The following BPIFB6 variants were observed in gnomAD, a reference collection of about 807,000 sequenced individuals.
BPIFB6 encodes BPI fold containing family B member 6.
A neutral mutation model predicts 54.7 loss-of-function variants in BPIFB6; 47 were observed. The observed-to-expected ratio is 0.86, with a 90% CI of 0.68 to 1.10. The LOEUF (loss-of-function observed/expected upper bound fraction) is 1.10, where lower values mean the gene tolerates loss of function less well. Ranked by LOEUF, BPIFB6 falls within the 50% of genes least tolerant of loss-of-function variation. The pLI is 0.00. For missense variants in BPIFB6, 603 were observed against 564.1 expected, an observed-to-expected ratio of 1.07 and a Z score of -0.70; for synonymous variants, 255 against 225.9, an observed-to-expected ratio of 1.13 and a Z score of -1.16.
In BPIFB6 at chr20:33,031,717, C is replaced by A; in HGVS notation, c.70C>A (p.Leu24Met). 1 of 1,614,080 alleles carries A rather than the reference C, an allele frequency of 6.2e-7. No homozygotes were observed. The highest frequency in any genetic ancestry group is 1.1e-5 in the South Asian group (1 of 91,080). ...TGTRADPGAL[L>M]RLGMDIMNQV... ...CACGCGAGCTGACCCTGGGGCACTG[C>A]TGCGGTTGGGCATGGACATCATGAA... Residue 24 changes from leucine to methionine, a missense_variant, in exon 1 of 15, where the codon CTG becomes ATG. Transcript: ENST00000349552.
chr20:33,034,142 T>C (rs1600523024), intron 2 of BPIFB6, 44 bp from the exon 3 acceptor site: 1 of 1,447,578 alleles, frequency 6.9e-7, no homozygotes. Flanking sequence ...TCCTGGGTCT[T>C]GCCTGCTCAG....
intron 1 of BPIFB6, among the ~76,000 whole-genome samples, chr20:33,032,319 T>C (rs1483725936): frequency 1.3e-5 from 2 of 152,196 alleles, no homozygotes; most frequent in Non-Finnish European, 2.9e-5. Flanking sequence ...TCAGTGTTTG[T>C]GCCCTCTCTG....
rs1979477022 is a variant in BPIFB6, at chr20:33,039,350, G to A, written c.904G>A (p.Ala302Thr). Residue 302 changes from alanine to threonine, a missense_variant, in exon 10 of 15, where the codon GCT becomes ACT. Transcript: ENST00000349552. ...KTLARFIPEV[A>T]VAYPKSKPLT... is the part of the protein sequence containing the mutation. ...TGAAGTGTTCTGGTTTCTGTAGGTG[G>A]CTGTAGCTTATCCCAAGTCAAAGCC... is the stretch of plus-strand genomic sequence containing the variant. 6.2e-7 allele frequency: 1 copy of A among 1,609,676 alleles called. No individual in the cohort carries two copies. The highest frequency in any genetic ancestry group is 8.5e-7 in the Non-Finnish European group (1 of 1,178,446).
intron 1 of BPIFB6, 64 bp from the exon 2 acceptor site, chr20:33,032,920 T>C: frequency 7.5e-7 from 1 of 1,325,128 alleles, no homozygotes; most frequent in South Asian, 1.2e-5. Context: ...TGACGGTGAG[T>C]GGCCTGGGAT....
intron 2 of BPIFB6, chr20:33,033,325 G>A: frequency 3.3e-6 from 2 of 607,762 alleles, no homozygotes; most frequent in Non-Finnish European, 6.3e-6. Context: ...TTTTGAGGAG[G>A]AAATGAGGTT....
At chr20:33,035,772 G>A in intron 6 of BPIFB6, 100 bp downstream of exon 6, 1 of 1,268,568 alleles carries the variant, frequency 7.9e-7, no homozygotes, top group Non-Finnish European at 1.2e-6. Context: ...TTCCAGCCCA[G>A]CCTTGGGACT....
At chr20:33,034,024 GT>G (rs112771934) in intron 2 of BPIFB6, among the ~76,000 whole-genome samples, 161 bp from the exon 3 acceptor site, 7,596 of 152,202 alleles carry the variant, frequency 0.05, 616 homozygotes, top group African/African-American at 0.17. Flanking sequence ...CCAGCCTTTT[GT>G]TTTGCATTTC....
rs745850990 is a variant in BPIFB6 at position 33,038,896 on chromosome 20, T to G, written c.847-13T>G. 1 of 1,614,098 alleles carries G rather than the reference T, an allele frequency of 6.2e-7. No homozygotes were observed. The highest frequency in any genetic ancestry group is 1.1e-5 in the South Asian group (1 of 91,056). On this transcript the variant is annotated splice_polypyrimidine_tract_variant and intron_variant, in intron 8 of 14. Transcript: ENST00000349552. ...GGACTCCAGCAACCCTAACCTTGAC[T>G]TTTATTCTGTAGATTGGTGAGCTGC...
intron 10 of BPIFB6, among the ~76,000 whole-genome samples, 189 bp from the exon 11 acceptor site, chr20:33,040,062 G>T (rs908962519): frequency 6.6e-6 from 1 of 152,206 alleles, no homozygotes; most frequent in Non-Finnish European, 1.5e-5. Flanking sequence ...AGGACAAGGA[G>T]GGATGAGAAG....
intron 14 of BPIFB6, 115 bp from the exon 15 acceptor site, chr20:33,043,900 C>A: frequency 7.5e-7 from 1 of 1,336,954 alleles, no homozygotes; most frequent in Non-Finnish European, 1.1e-6. Flanking sequence ...CTACTTCAAC[C>A]TTTGCTTAAC....
chr20:33,032,134 A>C (rs1282368316), intron 1 of BPIFB6, among the ~76,000 whole-genome samples: 1 of 152,180 alleles, frequency 6.6e-6, no homozygotes, highest in East Asian at 1.9e-4. Flanking sequence ...TCATCTGTAA[A>C]GGTGAAATGT....
chr20:33,042,926 A>G, intron 13 of BPIFB6, 48 bp downstream of exon 13: 4 of 1,572,340 alleles, frequency 2.5e-6, no homozygotes, highest in Non-Finnish European at 3.5e-6. Context: ...AAGCACTTTA[A>G]GCAATAAGGG....
rs769390593 is a variant in BPIFB6 at position 33,035,706 on chromosome 20, C to T, written c.577+34C>T. ...AGCCCTACCCACACCTTGCCCCTAC[C>T]TAGGGATATCAGGATAGATAGACTT... On this transcript the variant is annotated intron_variant, in intron 6 of 14. Coordinates refer to ENST00000349552, the MANE Select transcript of BPIFB6 (RefSeq NM_174897.2). 10 of 1,595,446 alleles carry T rather than the reference C, an allele frequency of 6.3e-6. No homozygotes were observed. The South Asian group carries it at 1.1e-4, about 18-fold the overall frequency.
chr20:33,034,503 C>T (rs567622891), intron 3 of BPIFB6, among the ~76,000 whole-genome samples: 74 of 152,146 alleles, frequency 4.9e-4, no homozygotes, highest in African/African-American at 1.6e-3. Flanking sequence ...ACAGTGGTGG[C>T]GGATGGTCAG....
At position 33,034,752 on chromosome 20, in the gene BPIFB6, C is replaced by G; in HGVS notation, c.303-11C>G. ...GAGATGCCCATGGTGCCCTCCTGCT[C>G]TGTCCTCCAGCTTCATGGGAGGGAA... On this transcript the variant is annotated splice_polypyrimidine_tract_variant and intron_variant, in intron 3 of 14. Transcript: ENST00000349552. The G allele has an allele frequency of 1.9e-6, 3 of 1,600,166 alleles. No homozygotes were observed. The highest frequency in any genetic ancestry group is 2.6e-6 in the Non-Finnish European group (3 of 1,170,318).
At position 33,040,261 on chromosome 20, in the gene BPIFB6, T is replaced by G; in HGVS notation, c.1085T>G (p.Leu362Arg). The change falls in exon 11 of 15, where the codon CTG becomes CGG. Residue 362 changes from leucine to arginine, a missense_variant. Coordinates refer to ENST00000349552, the MANE Select transcript of BPIFB6 (RefSeq NM_174897.2). ...SLFLLEVHFN[L>R]KVQYSVHENQ... ...TCCCCACCATGCCAGCACTTCAATC[T>G]GAAGGTCCAGTACTCAGTGCATGAG... 6.2e-7 allele frequency: 1 copy of G among 1,614,122 alleles called. No homozygotes were observed. Among genetic ancestry groups the G allele is most frequent in the Non-Finnish European group, 8.5e-7 (1 of 1,179,992 alleles).
chr20:33,036,560 A>G (rs200530323), intron 7 of BPIFB6, 24 bp downstream of exon 7: 84 of 1,598,478 alleles, frequency 5.3e-5, no homozygotes, highest in Admixed American at 1.3e-4. Flanking sequence ...GCCACCTGGG[A>G]GCTGGGGTCT....
intron 14 of BPIFB6, 33 bp downstream of exon 14, chr20:33,043,400 T>C: frequency 6.3e-7 from 1 of 1,582,008 alleles, no homozygotes; most frequent in Non-Finnish European, 8.7e-7. Context: ...GTCATGTCAA[T>C]CAACACTGTC....
Position 33,043,339 on chromosome 20 carries a change from A to G in BPIFB6, c.1301A>G (p.Tyr434Cys). 6.2e-7 allele frequency: 1 copy of G among 1,614,176 alleles called. No homozygotes were observed. Among genetic ancestry groups the G allele is most frequent in the Non-Finnish European group, 8.5e-7 (1 of 1,180,024 alleles). Residue 434 changes from tyrosine to cysteine, a missense_variant, in exon 14 of 15, where the codon TAC becomes TGC. By Grantham distance (194) the Tyr-to-Cys change is radical. Coordinates refer to ENST00000349552, the MANE Select transcript of BPIFB6 (RefSeq NM_174897.2). ...LPLPDFLAMNYNLAELDIVEN... is the reference protein window; with the variant it reads ...LPLPDFLAMNCNLAELDIVEN... ...CTCCCGGACTTTCTGGCCATGAATT[A>G]CAACCTGGCTGAGCTGGACATAGTA...
Sources: gnomAD v4.1 joint callset for allele counts (sites outside exome capture counted in the v4.1 genomes callset) on GRCh38, gnomAD v4.1.1 for gene constraint, MANE v1.5 for transcripts, NCBI Gene and HGNC (gene_info 2026-07-23, HGNC 2026-07-21) for gene names.